Variants in DLL3 observed in about 807,000 individuals in gnomAD.
DLL3 encodes delta-like protein 3.
In DLL3, 49 loss-of-function variants were observed where a neutral mutation model predicts 55.0. The observed-to-expected ratio is 0.89, with a 90% CI of 0.71 to 1.13. The LOEUF (loss-of-function observed/expected upper bound fraction) is 1.13. Ranked by LOEUF, DLL3 falls within the 50% of genes most tolerant of loss-of-function variation. The probability of loss-of-function intolerance (pLI) is 0.00; values close to 1 mark genes in which losing one functional copy is unlikely to be tolerated. For synonymous variants in DLL3, 421 were observed against 385.2 expected (o/e 1.09, Z -1.09); for missense variants, 962 against 875.5 (o/e 1.10, Z -1.25).
intron 4 of DLL3, 146 bp from the exon 5 acceptor site, chr19:39,503,925 A>G (rs2079625207): frequency 1.2e-6 from 1 of 810,290 alleles, no homozygotes; most frequent in Admixed American, 2.0e-5. Context: ...CGGTCACAGT[A>G]CCATCTAGTC....
intron 6 of DLL3, 66 bp downstream of exon 6, chr19:39,505,517 G>A: frequency 6.3e-7 from 1 of 1,580,334 alleles, no homozygotes; most frequent in Non-Finnish European, 8.7e-7. Context: ...GACAGTCCAG[G>A]GTTGGAATCC....
intron 2 of DLL3, among the ~76,000 whole-genome samples, 182 bp from the exon 3 acceptor site, chr19:39,500,433 A>C (rs12461892): frequency 0.066 from 5,020 of 76,398 alleles, 223 homozygotes; most frequent in Admixed American, 0.2. Flanking sequence ...CCCCCCCCCC[A>C]AAAAAAAGCC....
rs1013696397 is a variant in DLL3 at position 39,502,936 on chromosome 19, C to G, written c.531C>G (p.Arg177=). ...AWELRFSYRA[R]CEPPAVGTAC... ...AGCTGCGCTTCTCGTACCGCGCGCG[C>G]TGCGAGCCGCCTGCCGTCGGGACCG... The change falls in exon 4 of 9, where the codon CGC becomes CGG. Residue 177 remains arginine, a synonymous_variant. Coordinates refer to ENST00000356433, the MANE Select transcript of DLL3 (RefSeq NM_203486.3). 3.5e-6 allele frequency: 5 copies of G among 1,440,878 alleles called. No homozygotes were observed. Among genetic ancestry groups the G allele is most frequent in the Non-Finnish European group, 4.5e-6 (5 of 1,103,150 alleles). 89.3% of individuals were successfully genotyped at this position (1,440,878 alleles called of 1,614,324 possible). A position where few individuals can be genotyped will look rare whatever the true frequency, so the allele number is the denominator to read the frequency against.
Position 39,502,847 on chromosome 19 carries a change from G to T in DLL3, c.442G>T (p.Gly148Cys). 1 of 1,416,680 alleles carries T rather than the reference G, an allele frequency of 7.1e-7. No individual in the cohort carries two copies. Among genetic ancestry groups the T allele is most frequent in the South Asian group, 1.5e-5 (1 of 66,634 alleles). The allele number at this position is 1,416,680 out of a possible 1,614,324, so 87.8% of individuals were successfully genotyped here. ...PAWSLLARVA[G>C]RRRLAAGGPW... Reference sequence around the variant, plus strand: ...CTGGAGCCTGCTGGCGCGCGTGGCTGGCAGGCGGCGCTTGGCAGCCGGAGG... The same window carrying T: ...CTGGAGCCTGCTGGCGCGCGTGGCTTGCAGGCGGCGCTTGGCAGCCGGAGG... The change falls in exon 4 of 9, where the codon GGC becomes TGC. Residue 148 changes from glycine (G) to cysteine (C), a missense_variant. Transcript: ENST00000356433.
chr19:39,506,590 C>A (rs940182686), intron 6 of DLL3, among the ~76,000 whole-genome samples: 1 of 151,774 alleles, frequency 6.6e-6, no homozygotes, highest in Non-Finnish European at 1.5e-5. Flanking sequence ...GTGGTCAGGG[C>A]TGTGATGTAG....
At chr19:39,506,384 AG>A (rs997188120) in intron 6 of DLL3, among the ~76,000 whole-genome samples, 2 of 151,244 alleles carry the variant, frequency 1.3e-5, no homozygotes, top group African/African-American at 4.9e-5. Context: ...AAAAAAAAAA[AG>A]ATCATGAATG....
intron 6 of DLL3, 40 bp downstream of exon 6, chr19:39,505,491 G>T (rs2079635341): frequency 2.5e-6 from 4 of 1,607,834 alleles, no homozygotes; most frequent in East Asian, 2.2e-5. Flanking sequence ...ATGGGGTGGG[G>T]GTCCTGGATG....
chr19:39,503,515 A>G (rs1275703825), intron 4 of DLL3, among the ~76,000 whole-genome samples: 1 of 152,142 alleles, frequency 6.6e-6, no homozygotes, highest in Non-Finnish European at 1.5e-5. Flanking sequence ...ATCTCCTCCC[A>G]GTCCACTCTG....
chr19:39,502,511 C>T (rs1261222419), intron 3 of DLL3, among the ~76,000 whole-genome samples: 1 of 152,106 alleles, frequency 6.6e-6, no homozygotes, highest in Non-Finnish European at 1.5e-5. Flanking sequence ...GTGGTCCACC[C>T]GTCTCGGCCT....
chr19:39,500,738 G>C, intron 3 of DLL3, 66 bp downstream of exon 3: 1 of 1,396,552 alleles, frequency 7.2e-7, no homozygotes, highest in Non-Finnish European at 1.0e-6. Context: ...GGTTGGTGGT[G>C]TTATCTATAG....
chr19:39,507,321 A>T lies in DLL3; in HGVS notation c.1376A>T (p.Tyr459Phe), dbSNP rs572290101. The T allele has an allele frequency of 8.3e-5, 130 of 1,565,308 alleles. No individual in the cohort carries two copies. The Admixed American group carries it at 1.9e-3, about 22-fold the overall frequency. The change falls in exon 7 of 9, where the codon TAC (tyrosine) becomes TTC (phenylalanine). Residue 459 changes from tyrosine to phenylalanine, a missense_variant. By Grantham distance (22) the Tyr-to-Phe change is conservative. Transcript: ENST00000356433. ...SGLVCACAPG[Y>F]MGARCEFPVH... ...CTCGTCTGCGCTTGCGCTCCCGGCT[A>T]CATGGGAGCGCGGTGTGAGTTCCCA...
rs1169320479 is a variant in DLL3 at position 39,507,434 on chromosome 19, C to T, written c.1489C>T (p.Leu497=). ...TCAGCGCTACCTTTTGCCTCCGGCTCTGGGACTGCTCGTGGCCGCGGGCGT... is the reference window on the plus strand; with the variant it reads ...TCAGCGCTACCTTTTGCCTCCGGCTTTGGGACTGCTCGTGGCCGCGGGCGT... ...DPQRYLLPPA[L]GLLVAAGVAG... The change falls in exon 7 of 9, where the codon CTG becomes TTG. Residue 497 remains leucine (L), a synonymous_variant. Coordinates refer to ENST00000356433, the MANE Select transcript of DLL3 (RefSeq NM_203486.3). 4 of 1,594,718 alleles carry T rather than the reference C, an allele frequency of 2.5e-6. No homozygotes were observed. Among genetic ancestry groups the T allele is most frequent in the African/African-American group, 2.7e-5 (2 of 74,676 alleles).
At chr19:39,499,567 A>G in intron 2 of DLL3, 94 bp downstream of exon 2, 1 of 1,491,674 alleles carries the variant, frequency 6.7e-7, no homozygotes, top group Non-Finnish European at 9.0e-7. Flanking sequence ...CAAGACCCTA[A>G]TCCTGCCTCC....
At position 39,502,887 on chromosome 19, in the gene DLL3, A is replaced by C; in HGVS notation, c.482A>C (p.Asp161Ala). The C allele has an allele frequency of 6.9e-7, 1 of 1,440,514 alleles. No homozygotes were observed. The highest frequency in any genetic ancestry group is 9.1e-7 in the Non-Finnish European group (1 of 1,102,360). 89.2% of individuals were successfully genotyped at this position (1,440,514 alleles called of 1,614,324 possible). Residue 161 changes from aspartate (D) to alanine (A), a missense_variant, in exon 4 of 9, where the codon GAC (aspartate) becomes GCC (alanine). Coordinates refer to ENST00000356433, the MANE Select transcript of DLL3 (RefSeq NM_203486.3). ...RLAAGGPWAR[D>A]IQRAGAWELR... ...GCAGCCGGAGGCCCGTGGGCCCGGG[A>C]CATTCAGCGCGCAGGCGCCTGGGAG...
chr19:39,507,799 C>CTT (rs763249149), intron 7 of DLL3, 31 bp from the exon 8 acceptor site: 1 of 1,613,710 alleles, frequency 6.2e-7, no homozygotes, highest in African/African-American at 1.3e-5. Context: ...TTTAAAGAGT[C>CTT]TGAGTTTTTC....
chr19:39,500,301 C>A (rs578068012), intron 2 of DLL3, among the ~76,000 whole-genome samples: 2 of 149,580 alleles, frequency 1.3e-5, no homozygotes, highest in East Asian at 3.9e-4. Flanking sequence ...TGGTGACATG[C>A]GCGTGTAGTC....
In DLL3 at chr19:39,505,332, G is replaced by T; in HGVS notation, c.974G>T (p.Gly325Val). The T allele has an allele frequency of 6.2e-7, 1 of 1,614,208 alleles. No individual in the cohort carries two copies. Among genetic ancestry groups the T allele is most frequent in the Non-Finnish European group, 8.5e-7 (1 of 1,180,034 alleles). ...TCADGPCFNG[G>V]LCVGGADPDS... The stretch of plus-strand genomic sequence containing the variant: ...GCAGATGGACCCTGCTTCAACGGCG[G>T]CTTGTGTGTCGGGGGTGCAGACCCT... Residue 325 changes from glycine (G) to valine (V), a missense_variant, in exon 6 of 9, where the codon GGC becomes GTC. By Grantham distance (109) the Gly-to-Val change is moderately radical. Transcript: ENST00000356433.
At chr19:39,502,335 C>T (rs2079614354) in intron 3 of DLL3, among the ~76,000 whole-genome samples, 1 of 151,960 alleles carries the variant, frequency 6.6e-6, no homozygotes, top group Non-Finnish European at 1.5e-5. Context: ...CCGATCTCGG[C>T]TCACTGCAAC....
Position 39,508,312 on chromosome 19 carries a change from G to T in DLL3, c.*55G>T. ...GAGCGTGGATTTTTGTATTTGCTCG[G>T]TGGTGCCCAGTCTCTGCCCCAGAGG... On this transcript the variant is annotated 3_prime_UTR_variant, in exon 9 of 9. Coordinates refer to ENST00000356433, the MANE Select transcript of DLL3 (RefSeq NM_203486.3). The T allele has an allele frequency of 6.2e-7, 1 of 1,601,848 alleles. No homozygotes were observed. The highest frequency in any genetic ancestry group is 1.3e-5 in the African/African-American group (1 of 74,808).
Sources: gnomAD v4.1 joint callset for allele counts (sites outside exome capture counted in the v4.1 genomes callset) on GRCh38, gnomAD v4.1.1 for gene constraint, MANE v1.5 for transcripts, NCBI Gene and HGNC (gene_info 2026-07-23, HGNC 2026-07-21) for gene names.